The following CSMD1 variants were observed in gnomAD, a reference collection of about 807,000 sequenced individuals.
CSMD1 encodes the protein CUB and Sushi multiple domains 1.
In CSMD1, 213 loss-of-function variants were observed where a neutral mutation model predicts 417.5. The observed-to-expected ratio is 0.51, with a 90% CI of 0.46 to 0.57. The LOEUF is 0.57. Ranked by LOEUF, CSMD1 falls within the 20% of genes least tolerant of loss-of-function variation. The pLI is 0.00. For missense variants in CSMD1, 6,923 were observed against 4,529.7 expected (o/e 1.53, Z -15.17); for synonymous variants, 2,862 against 1,736.8 (o/e 1.65, Z -16.11).
chr8:4,453,810 GTTTCTTTTTTTTTT>G (rs1170040664), intron 2 of CSMD1, among the ~76,000 whole-genome samples: 1 of 93,042 alleles, frequency 1.1e-5, no homozygotes, highest in East Asian at 3.2e-4. Context: ...TGCGCAATTC[GTTTCTTTTTTTTTT>G]TTTTTTTTTT....
chr8:4,942,826 T>C (rs1210935899), intron 1 of CSMD1, among the ~76,000 whole-genome samples: 1 of 152,212 alleles, frequency 6.6e-6, no homozygotes, highest in East Asian at 1.9e-4. Context: ...TGATAATAGG[T>C]GTTAACTAAT....
intron 2 of CSMD1, among the ~76,000 whole-genome samples, chr8:4,549,915 A>G (rs1040165580): frequency 6.6e-5 from 10 of 150,780 alleles, no homozygotes; most frequent in Non-Finnish European, 1.2e-4. Context: ...AAAAAAAAAA[A>G]AAAAAGAAAA....
chr8:4,814,529 G>T (rs769198374), intron 1 of CSMD1, among the ~76,000 whole-genome samples: 1 of 152,132 alleles, frequency 6.6e-6, no homozygotes, highest in South Asian at 2.1e-4. Context: ...TTACAGGTAT[G>T]AGGTAATAAT....
intron 19 of CSMD1, among the ~76,000 whole-genome samples, chr8:3,367,939 T>G (rs1357637076): frequency 6.6e-6 from 1 of 152,178 alleles, no homozygotes; most frequent in Non-Finnish European, 1.5e-5. Context: ...CAGGTGTCCT[T>G]TAGAAAAATC....
At chr8:4,230,588 G>T (rs1040953710) in intron 3 of CSMD1, among the ~76,000 whole-genome samples, 1 of 152,028 alleles carries the variant, frequency 6.6e-6, no homozygotes, top group Non-Finnish European at 1.5e-5. Flanking sequence ...CATCCTTAAT[G>T]TTCATGGCTG....
intron 10 of CSMD1, among the ~76,000 whole-genome samples, chr8:3,551,848 G>C (rs1263085301): frequency 6.6e-6 from 1 of 152,124 alleles, no homozygotes; most frequent in African/African-American, 2.4e-5. Flanking sequence ...TTTAGCTACT[G>C]AAAGATGAGG....
chr8:3,930,405 C>G (rs1380630302), intron 5 of CSMD1, among the ~76,000 whole-genome samples: 1 of 150,672 alleles, frequency 6.6e-6, no homozygotes, highest in African/African-American at 2.4e-5. Flanking sequence ...CATGCTTATA[C>G]TGGTCCAAGC....
chr8:4,940,198 A>T (rs1807900427), intron 1 of CSMD1, among the ~76,000 whole-genome samples: 1 of 152,168 alleles, frequency 6.6e-6, no homozygotes, highest in African/African-American at 2.4e-5. Context: ...CTCTTTAAGA[A>T]GATCCTGGCC....
At chr8:3,066,493 TGAC>T (rs1350698954) in intron 49 of CSMD1, among the ~76,000 whole-genome samples, 1 of 152,210 alleles carries the variant, frequency 6.6e-6, no homozygotes, top group Non-Finnish European at 1.5e-5. Flanking sequence ...TAAAATGAAC[TGAC>T]GACATGTATT....
intron 10 of CSMD1, among the ~76,000 whole-genome samples, chr8:3,520,129 T>C (rs566435641): frequency 6.6e-6 from 1 of 151,618 alleles, no homozygotes. Flanking sequence ...CACAGAGAAA[T>C]AATTTATATG....
chr8:3,458,392 A>C (rs971218328), intron 12 of CSMD1, among the ~76,000 whole-genome samples: 1 of 152,186 alleles, frequency 6.6e-6, no homozygotes, highest in African/African-American at 2.4e-5. Context: ...AACTCAGAAA[A>C]AAATGGAAAT....
intron 7 of CSMD1, among the ~76,000 whole-genome samples, chr8:3,693,611 G>A (rs1166284723): frequency 6.6e-6 from 1 of 152,184 alleles, no homozygotes; most frequent in East Asian, 1.9e-4. Context: ...TATTCCATGA[G>A]AGAGACAATA....
intron 55 of CSMD1, among the ~76,000 whole-genome samples, chr8:2,975,815 T>C (rs1044771385): frequency 6.6e-6 from 1 of 151,988 alleles, no homozygotes; most frequent in Non-Finnish European, 1.5e-5. Flanking sequence ...TGACGACAAT[T>C]CCAACTGTTA....
At chr8:3,453,989 G>T (rs6985255) in intron 12 of CSMD1, among the ~76,000 whole-genome samples, 118,311 of 151,938 alleles carry the variant, frequency 0.78, 46,439 homozygotes, top group African/African-American at 0.88. Flanking sequence ...TATGAATCTG[G>T]GTGCTCCTGT....
intron 4 of CSMD1, among the ~76,000 whole-genome samples, chr8:4,008,196 C>A (rs544191902): frequency 6.6e-6 from 1 of 152,032 alleles, no homozygotes; most frequent in African/African-American, 2.4e-5. Context: ...TACAGGGCAG[C>A]TGGAAAAATT....
chr8:3,363,056 C>T (rs1458203068), intron 20 of CSMD1, among the ~76,000 whole-genome samples: 1 of 152,192 alleles, frequency 6.6e-6, no homozygotes, highest in African/African-American at 2.4e-5. Flanking sequence ...CCTCCACTTT[C>T]CCCTCGGTTT....
chr8:4,105,611 A>T (rs555762838), intron 3 of CSMD1, among the ~76,000 whole-genome samples: 5 of 152,190 alleles, frequency 3.3e-5, no homozygotes, highest in African/African-American at 1.2e-4. Context: ...GCAGAAGAGG[A>T]AACAGGGAAA....
chr8:3,537,047 G>A (rs560084795), intron 10 of CSMD1, among the ~76,000 whole-genome samples: 102 of 151,142 alleles, frequency 6.7e-4, no homozygotes, highest in Non-Finnish European at 1.2e-3. Context: ...CTCTGTTGCC[G>A]GGCTGGAGTG....
intron 3 of CSMD1, among the ~76,000 whole-genome samples, chr8:4,326,652 C>A (rs575875990): frequency 3.6e-4 from 55 of 152,102 alleles, no homozygotes; most frequent in Non-Finnish European, 6.8e-4. Flanking sequence ...ATCTACCCAA[C>A]GTTTCCTCAA....
Sources: gnomAD v4.1 joint callset for allele counts (sites outside exome capture counted in the v4.1 genomes callset) on GRCh38, gnomAD v4.1.1 for gene constraint, MANE v1.5 for transcripts, NCBI Gene and HGNC (gene_info 2026-07-23, HGNC 2026-07-21) for gene names.